Variants in MELTF observed in about 807,000 individuals in gnomAD.
The protein encoded by MELTF is antigen p97 (melanoma associated) identified by monoclonal antibodies 133.2 and 96.5.
Under a neutral mutation model 83.7 loss-of-function variants are expected in MELTF, and 67 were observed. The observed-to-expected ratio is 0.80, with a 90% confidence interval of 0.66 to 0.98. The LOEUF (loss-of-function observed/expected upper bound fraction) is 0.98. Ranked by LOEUF, MELTF falls within the 50% of genes least tolerant of loss-of-function variation. The pLI is 0.00. For missense variants in MELTF, 1,002 were observed against 1,035.6 expected, an observed-to-expected ratio of 0.97 and a Z score of 0.44; for synonymous variants, 462 against 447.6, an observed-to-expected ratio of 1.03 and a Z score of -0.41.
chr3:197,007,694 G>A lies in MELTF; in HGVS notation c.1751-958C>T, dbSNP rs1371321452. Among the ~76,000 whole-genome samples the A allele has an allele frequency of 2.6e-5, 4 of 152,234 alleles. No individual in the cohort carries two copies. Among genetic ancestry groups the A allele is most frequent in the Non-Finnish European group, 5.9e-5 (4 of 68,030 alleles). ...GGGCTGTGGCAACAGGAAGGGTTCA[G>A]GGCCTGGAGCCCTCCCTAGCTCTGC... On this transcript the variant is annotated intron_variant, in intron 13 of 15. Transcript: ENST00000296350. The surrounding 1 kb of genome is among the most constrained non-coding windows in gnomAD (Gnocchi z 4.3).
At chr3:197,005,185 T>C (rs1381159731) in intron 14 of MELTF, among the ~76,000 whole-genome samples, 1 of 152,166 alleles carries the variant, frequency 6.6e-6, no homozygotes, top group African/African-American at 2.4e-5. Flanking sequence ...TCTAGGTATA[T>C]TTTGAAAGCA....
At position 197,008,553 on chromosome 3, in the gene MELTF, C is replaced by T; in HGVS notation, c.1750+104G>A. The T allele has an allele frequency of 7.5e-7, 1 of 1,328,352 alleles. No homozygotes were observed. The highest frequency in any genetic ancestry group is 1.0e-6 in the Non-Finnish European group (1 of 952,954). 82.3% of individuals were successfully genotyped at this position (1,328,352 alleles called of 1,614,324 possible). On this transcript the variant is annotated intron_variant, in intron 13 of 15. Coordinates refer to ENST00000296350, the MANE Select transcript of MELTF (RefSeq NM_005929.6). This position sits in a 1 kb window ranked among gnomAD's most constrained non-coding sequence, Gnocchi z 5.4. ...GCACAGCCTTCTAGACTCAGCCTCTCTGAGCTGCTGCTTGGCCCCAGCCCA... is the reference window on the plus strand; with the variant it reads ...GCACAGCCTTCTAGACTCAGCCTCTTTGAGCTGCTGCTTGGCCCCAGCCCA...
Position 197,006,596 on chromosome 3 carries a change from G to GC in MELTF, c.1890dup (p.Pro631AlafsTer25). On this transcript the variant is annotated frameshift_variant, in exon 14 of 16. Coordinates refer to ENST00000296350, the MANE Select transcript of MELTF (RefSeq NM_005929.6). LOFTEE classifies it high-confidence loss of function. The surrounding 1 kb of genome is among the most constrained non-coding windows in gnomAD (Gnocchi z 5.4). Reference sequence around the variant, plus strand: ...TACACGGTGAAGATGTTGGTGTCGGGCCGGACCATCACGGCGTGGGGTGGT... The same window carrying GC: ...TACACGGTGAAGATGTTGGTGTCGGGCCCGGACCATCACGGCGTGGGGTGGT... The GC allele has an allele frequency of 6.2e-7, 1 of 1,613,072 alleles. No individual in the cohort carries two copies. The highest frequency in any genetic ancestry group is 8.5e-7 in the Non-Finnish European group (1 of 1,179,544).
chr3:197,019,598 C>A (rs760255296), intron 6 of MELTF: 1 of 1,589,062 alleles, frequency 6.3e-7, no homozygotes, highest in South Asian at 1.1e-5. Flanking sequence ...TTTGAAAGAG[C>A]TGATTCTTAA....
Position 197,008,835 on chromosome 3 carries a change from C to T in MELTF, c.1656G>A (p.Arg552=), listed in dbSNP as rs1196404661. 7.4e-6 allele frequency: 12 copies of T among 1,614,066 alleles called. No homozygotes were observed. The highest frequency in any genetic ancestry group is 2.2e-5 in the South Asian group (2 of 91,090). ...TGAAGGCGCCGCGGTAGCCGTAATA[C>T]CGCTCCTGGCTGTTGCCCACACACT... ...RNKCVGNSQE[R]YYGYRGAFRC... is the part of the protein sequence containing the mutation. The change falls in exon 12 of 16, where the codon CGG becomes CGA. Residue 552 remains arginine (R), a synonymous_variant. Coordinates refer to ENST00000296350, the MANE Select transcript of MELTF (RefSeq NM_005929.6). This position sits in a 1 kb window ranked among gnomAD's most constrained non-coding sequence, Gnocchi z 5.4.
At position 197,003,589 on chromosome 3, in the gene MELTF, G is replaced by T; in HGVS notation, c.2138-138C>A. 1.4e-6 allele frequency: 1 copy of T among 718,386 alleles called. No individual in the cohort carries two copies. Among genetic ancestry groups the T allele is most frequent in the Non-Finnish European group, 2.1e-6 (1 of 486,222 alleles). The allele number at this position is 718,386 out of a possible 1,614,324, so 44.5% of individuals were successfully genotyped here. ...CTCCCTCTTTGTGCTCCTTTCCCCT[G>T]CTGCCCTTCCAGATGCGCTCTTTCC... is the stretch of plus-strand genomic sequence containing the variant. On this transcript the variant is annotated intron_variant, in intron 15 of 15. Coordinates refer to ENST00000296350, the MANE Select transcript of MELTF (RefSeq NM_005929.6). This position sits in a 1 kb window ranked among gnomAD's most constrained non-coding sequence, Gnocchi z 6.2.
At chr3:197,018,200 T>C (rs967248561) in intron 6 of MELTF, among the ~76,000 whole-genome samples, 10 of 152,138 alleles carry the variant, frequency 6.6e-5, no homozygotes, top group African/African-American at 2.2e-4. Flanking sequence ...CAGGCTGGAG[T>C]GCAGTGGCAC....
At chr3:197,028,727 T>C (rs1719961795) in intron 1 of MELTF, 2 of 152,586 alleles carry the variant, frequency 1.3e-5, no homozygotes, top group Non-Finnish European at 1.5e-5. Context: ...TTGGGGCCGA[T>C]GACTTTCAGG....
rs1452813065 is a variant in MELTF at position 197,022,977 on chromosome 3, G to T, written c.624C>A (p.Tyr208Ter). 2 of 1,611,040 alleles carry T rather than the reference G, an allele frequency of 1.2e-6. No homozygotes were observed. The highest frequency in any genetic ancestry group is 1.7e-6 in the Non-Finnish European group (2 of 1,179,136). ...CTCACCGGAAGGCCCCGCTGTAGTCGTAGTATCTCTCCAGGGGGCTCTTGT... is the reference window on the plus strand; with the variant it reads ...CTCACCGGAAGGCCCCGCTGTAGTCTTAGTATCTCTCCAGGGGGCTCTTGT... ...VCDKSPLERY[Y>*]DYSGAFRCLA... Residue 208 changes from tyrosine (Y) to a stop codon, truncating the protein, a stop_gained, in exon 5 of 16, where the codon TAC becomes TAA. Transcript: ENST00000296350. LOFTEE classifies it high-confidence loss of function. This position sits in a 1 kb window ranked among gnomAD's most constrained non-coding sequence, Gnocchi z 5.1.
At chr3:197,023,339 G>T (rs1440333554) in intron 4 of MELTF, among the ~76,000 whole-genome samples, 2 of 152,226 alleles carry the variant, frequency 1.3e-5, no homozygotes, top group African/African-American at 2.4e-5. Context: ...TTTAAAAATG[G>T]TTCGGGGGAA....
At chr3:197,005,888 C>CAGTCTCCATCCTTAAGAGAGG (rs1718956514) in intron 14 of MELTF, among the ~76,000 whole-genome samples, 14 of 152,028 alleles carry the variant, frequency 9.2e-5, no homozygotes, top group African/African-American at 2.7e-4. Context: ...CTTGTTAACT[C>CAGTCTCCATCCTTAAGAGAGG]CAGAGCAGAC....
intron 2 of MELTF, among the ~76,000 whole-genome samples, chr3:197,027,269 C>G (rs1235468671): frequency 6.6e-6 from 1 of 152,186 alleles, no homozygotes; most frequent in Non-Finnish European, 1.5e-5. Context: ...TTGCACCCAC[C>G]CAGGAGGGAC....
At chr3:197,012,732 TCCAG>T (rs1384838418) in intron 9 of MELTF, among the ~76,000 whole-genome samples, 11 of 152,220 alleles carry the variant, frequency 7.2e-5, no homozygotes, top group Non-Finnish European at 1.2e-4. Flanking sequence ...GGCGTTAGTC[TCCAG>T]GCAGAGAAGA....
chr3:197,028,827 C>G, intron 1 of MELTF: 1 of 152,818 alleles, frequency 6.5e-6, no homozygotes, highest in Non-Finnish European at 1.5e-5. Flanking sequence ...CGCCCGAAAC[C>G]AGGTCACCCT....
At chr3:197,028,259 T>G in intron 1 of MELTF, 1 of 239,850 alleles carries the variant, frequency 4.2e-6, no homozygotes. Context: ...GGAAGCTTCT[T>G]CCCCTCTCCA....
At chr3:197,021,972 G>A (rs934771059) in intron 5 of MELTF, among the ~76,000 whole-genome samples, 4 of 152,184 alleles carry the variant, frequency 2.6e-5, no homozygotes, top group Admixed American at 1.3e-4. Context: ...TCCTGCCTCT[G>A]CCTCCAAAGT....
chr3:197,026,865 G>A, intron 2 of MELTF, 106 bp from the exon 3 acceptor site: 1 of 866,930 alleles, frequency 1.2e-6, no homozygotes, highest in South Asian at 1.5e-5. Context: ...GCCCCAGAGG[G>A]CTGTGCTGTC....
intron 6 of MELTF, among the ~76,000 whole-genome samples, chr3:197,018,004 G>A (rs1719467186): frequency 6.6e-6 from 1 of 152,232 alleles, no homozygotes; most frequent in Non-Finnish European, 1.5e-5. Flanking sequence ...CGGAGCAGGG[G>A]CCACGGTGGA....
chr3:197,008,584 G>C lies in MELTF; in HGVS notation c.1750+73C>G. 1 of 1,503,222 alleles carries C rather than the reference G, an allele frequency of 6.7e-7. No individual in the cohort carries two copies. The highest frequency in any genetic ancestry group is 9.1e-7 in the Non-Finnish European group (1 of 1,096,198). 93.1% of individuals were successfully genotyped at this position (1,503,222 alleles called of 1,614,324 possible). On this transcript the variant is annotated intron_variant, in intron 13 of 15. Transcript: ENST00000296350. The surrounding 1 kb of genome is among the most constrained non-coding windows in gnomAD (Gnocchi z 5.4). Reference sequence around the variant, plus strand: ...TGCTGCTTGGCCCCAGCCCAGCATGGTGTCTGGATGGTGCTGAAGATGGGG... The same window carrying C: ...TGCTGCTTGGCCCCAGCCCAGCATGCTGTCTGGATGGTGCTGAAGATGGGG...
Sources: allele counts gnomAD v4.1 joint callset (sites outside exome capture counted in the v4.1 genomes callset), GRCh38; gene constraint gnomAD v4.1.1; non-coding constraint Gnocchi (gnomAD v3.1); transcripts MANE v1.5; gene names NCBI Gene and HGNC (gene_info 2026-07-23, HGNC 2026-07-21).